Variants in GALNTL6 observed in about 807,000 individuals in gnomAD.
GALNTL6 encodes polypeptide N-acetylgalactosaminyltransferase like 6.
In GALNTL6, 46 loss-of-function variants were observed where a neutral mutation model predicts 73.7. That is an observed-to-expected ratio of 0.62 (90% CI 0.49 to 0.80). The LOEUF (loss-of-function observed/expected upper bound fraction) is 0.80, where lower values mean the gene tolerates loss of function less well. Ranked by LOEUF, GALNTL6 falls within the 30% of genes least tolerant of loss-of-function variation. The pLI is 0.00. For synonymous variants in GALNTL6, 259 were observed against 263.7 expected (o/e 0.98, Z 0.17); for missense variants, 604 against 755.0 (o/e 0.80, Z 2.34).
chr4:172,728,593 G>A (rs1331220323), intron 5 of GALNTL6, among the ~76,000 whole-genome samples: 1 of 151,992 alleles, frequency 6.6e-6, no homozygotes, highest in Admixed American at 6.6e-5. Flanking sequence ...TGGGCACTTA[G>A]GTTGATTCCA....
intron 2 of GALNTL6, chr4:172,052,535 A>T: frequency 6.5e-7 from 1 of 1,532,418 alleles, no homozygotes; most frequent in Non-Finnish European, 8.7e-7. Context: ...TTACCAGGTA[A>T]CCGGTAAAAA....
intron 5 of GALNTL6, among the ~76,000 whole-genome samples, chr4:172,639,036 G>C (rs937065577): frequency 4.6e-5 from 7 of 152,074 alleles, no homozygotes; most frequent in African/African-American, 1.7e-4. Context: ...ATGTTGGTTT[G>C]TCCCATTATT....
intron 2 of GALNTL6, among the ~76,000 whole-genome samples, chr4:172,140,767 G>A (rs1027218143): frequency 5.3e-5 from 8 of 151,980 alleles, no homozygotes; most frequent in Admixed American, 2.6e-4. Flanking sequence ...AAATTGAATC[G>A]AGAGCAAAGA....
intron 5 of GALNTL6, among the ~76,000 whole-genome samples, chr4:172,807,773 T>C (rs1741050574): frequency 6.6e-6 from 1 of 152,192 alleles, no homozygotes; most frequent in African/African-American, 2.4e-5. Flanking sequence ...GAACATATTT[T>C]GAGCTAAAAC....
chr4:172,980,766 A>C (rs1751029742), intron 10 of GALNTL6, among the ~76,000 whole-genome samples: 1 of 152,156 alleles, frequency 6.6e-6, no homozygotes, highest in Non-Finnish European at 1.5e-5. Context: ...ATACACTTAC[A>C]TTGACGGTTA....
intron 2 of GALNTL6, among the ~76,000 whole-genome samples, chr4:171,907,320 G>A (rs995551486): frequency 7.9e-5 from 12 of 152,112 alleles, no homozygotes; most frequent in East Asian, 3.9e-4. Flanking sequence ...ATCAACGTAC[G>A]AAAATCACAA....
Position 173,039,972 on chromosome 4 carries a change from G to A in GALNTL6, c.1678G>A (p.Asp560Asn), listed in dbSNP as rs1186219605. The change falls in exon 13 of 13, where the codon GAT (aspartate) becomes AAT (asparagine). Residue 560 changes from aspartate to asparagine, a missense_variant. Around this residue, in one of 5 missense-constraint regions of GALNTL6, gnomAD observed 261 missense variants for 296.5 expected, o/e 0.88. Coordinates refer to ENST00000506823, the MANE Select transcript of GALNTL6 (RefSeq NM_001034845.3). The part of the protein sequence containing the change: ...LFHPVSNSCM[D>N]CNPAEKKIFM... Reference sequence around the variant, plus strand: ...CCATCCTGTGAGCAACAGCTGCATGGATTGCAACCCCGCAGAGAAGAAGAT... The same window carrying A: ...CCATCCTGTGAGCAACAGCTGCATGAATTGCAACCCCGCAGAGAAGAAGAT... The A allele has an allele frequency of 6.2e-7, 1 of 1,613,852 alleles. No individual in the cohort carries two copies. The highest frequency in any genetic ancestry group is 1.3e-5 in the African/African-American group (1 of 74,902).
chr4:172,358,937 T>G (rs1578991601), intron 5 of GALNTL6, among the ~76,000 whole-genome samples: 1 of 141,940 alleles, frequency 7.0e-6, no homozygotes, highest in African/African-American at 2.7e-5. Flanking sequence ...TTGGTAGGGG[T>G]GTAAATTAGT....
intron 5 of GALNTL6, among the ~76,000 whole-genome samples, chr4:172,481,253 TC>T (rs1343558820): frequency 6.6e-6 from 1 of 151,156 alleles, no homozygotes; most frequent in East Asian, 2.0e-4. Flanking sequence ...CCCGAGTTGT[TC>T]ATTCCTCCCG....
intron 5 of GALNTL6, among the ~76,000 whole-genome samples, chr4:172,577,362 C>T (rs746754537): frequency 1.1e-4 from 16 of 152,106 alleles, no homozygotes; most frequent in Non-Finnish European, 2.4e-4. Context: ...AGTTTGTTCC[C>T]TTCGAATTTT....
At chr4:172,792,360 ATG>A (rs960473752) in intron 5 of GALNTL6, among the ~76,000 whole-genome samples, 21 of 152,228 alleles carry the variant, frequency 1.4e-4, no homozygotes, top group African/African-American at 5.1e-4. Flanking sequence ...TGTACTACAT[ATG>A]TGTGTTTATT....
In GALNTL6 at chr4:172,031,613, A is replaced by C. The variant is rs76890005; in HGVS notation, c.139-198043A>C. On this transcript the variant is annotated intron_variant, in intron 2 of 12. Transcript: ENST00000506823. ...AGTATTAAAGAAACATTATTTCTGTAAGAATGACTGTCATCCTTTAGTACG... is the reference window on the plus strand; with the variant it reads ...AGTATTAAAGAAACATTATTTCTGTCAGAATGACTGTCATCCTTTAGTACG... Among the ~76,000 whole-genome samples the C allele has an allele frequency of 2.2e-3, 336 of 152,164 alleles. 1 individual carries two copies. Among genetic ancestry groups the C allele is most frequent in the African/African-American group, 7.6e-3 (315 of 41,552 alleles).
chr4:172,624,762 GT>G (rs549552632), intron 5 of GALNTL6, among the ~76,000 whole-genome samples: 9 of 149,294 alleles, frequency 6.0e-5, no homozygotes, highest in South Asian at 2.1e-4. Flanking sequence ...TTCCTTGGTA[GT>G]TTTTTTTTTA....
intron 5 of GALNTL6, among the ~76,000 whole-genome samples, chr4:172,375,100 T>C (rs1232549119): frequency 1.3e-5 from 2 of 152,110 alleles, no homozygotes; most frequent in African/African-American, 4.8e-5. Flanking sequence ...AGGATTATCA[T>C]TAATAGGAAG....
At chr4:171,915,389 G>T (rs887716349) in intron 2 of GALNTL6, among the ~76,000 whole-genome samples, 1 of 152,102 alleles carries the variant, frequency 6.6e-6, no homozygotes, top group Non-Finnish European at 1.5e-5. Context: ...CTTCCTGTAC[G>T]TAGGGGCTGA....
chr4:172,566,801 T>G (rs1736570937), intron 5 of GALNTL6, among the ~76,000 whole-genome samples: 1 of 151,620 alleles, frequency 6.6e-6, no homozygotes, highest in South Asian at 2.1e-4. Context: ...AAAAAAAAGA[T>G]TCAAATAAAA....
intron 9 of GALNTL6, among the ~76,000 whole-genome samples, chr4:172,949,989 A>G (rs1327695479): frequency 6.6e-6 from 1 of 152,198 alleles, no homozygotes; most frequent in Non-Finnish European, 1.5e-5. Flanking sequence ...CCTGAGGACA[A>G]GTAAAATAGA....
chr4:172,720,523 A>T (rs954478726), intron 5 of GALNTL6, among the ~76,000 whole-genome samples: 9 of 152,148 alleles, frequency 5.9e-5, no homozygotes, highest in Admixed American at 5.9e-4. Context: ...CCTATTCAAG[A>T]TGGAGTTGCT....
intron 2 of GALNTL6, 65 bp downstream of exon 2, chr4:171,814,783 C>T (rs1734478085): frequency 1.3e-6 from 2 of 1,540,266 alleles, no homozygotes; most frequent in Non-Finnish European, 1.8e-6. Flanking sequence ...CGCGGGGACT[C>T]GAGAAAGCCG....
Sources: gnomAD v4.1 joint callset for allele counts (sites outside exome capture counted in the v4.1 genomes callset) on GRCh38, gnomAD v4.1.1 for gene constraint, gnomAD v4.1.1 regional missense constraint, MANE v1.5 for transcripts, NCBI Gene and HGNC (gene_info 2026-07-23, HGNC 2026-07-21) for gene names.